The following MCM4 variants were observed in gnomAD, a reference collection of about 807,000 sequenced individuals.
MCM4 encodes DNA replication licensing factor MCM4.
MCM4 carries 60 observed loss-of-function variants against 88.7 expected under a neutral mutation model. That is an observed-to-expected ratio of 0.68 (90% CI 0.55 to 0.84). The LOEUF (loss-of-function observed/expected upper bound fraction) is 0.84, where lower values mean the gene tolerates loss of function less well. MCM4 is among the 40% of genes least tolerant of loss of function. The probability of loss-of-function intolerance (pLI) is 0.00; values close to 1 mark genes in which losing one functional copy is unlikely to be tolerated. For missense variants in MCM4, 1,149 were observed against 1,105.5 expected (o/e 1.04, Z -0.56); for synonymous variants, 465 against 410.5 (o/e 1.13, Z -1.61).
intron 13 of MCM4, among the ~76,000 whole-genome samples, chr8:47,972,282 A>C (rs2090960362): frequency 6.6e-6 from 1 of 151,686 alleles, no homozygotes; most frequent in Non-Finnish European, 1.5e-5. Context: ...AATTATAGTA[A>C]CGTTTCCCTA....
At position 47,970,770 on chromosome 8, in the gene MCM4, T is replaced by C; in HGVS notation, c.1694T>C (p.Leu565Pro). ...GTCCTGCAGACAGGTGCTCTTGTCC[T>C]GAGTGACAACGGCATCTGCTGTATC... The part of the protein sequence containing the change: ...QLVLQTGALV[L>P]SDNGICCIDE... Residue 565 changes from leucine to proline, a missense_variant, in exon 12 of 17, where the codon CTG becomes CCG. Physicochemically the swap from Leu to Pro is moderately conservative, Grantham distance 98. Transcript: ENST00000649973. 6.2e-7 allele frequency: 1 copy of C among 1,614,230 alleles called. No individual in the cohort carries two copies. Among genetic ancestry groups the C allele is most frequent in the Non-Finnish European group, 8.5e-7 (1 of 1,180,040 alleles).
intron 9 of MCM4, 74 bp downstream of exon 9, chr8:47,966,481 C>A: frequency 7.1e-7 from 1 of 1,400,206 alleles, no homozygotes; most frequent in Non-Finnish European, 9.7e-7. Context: ...ATAACTTGTC[C>A]CTCGGACCCT....
rs567917422 is a variant in MCM4, at chr8:47,972,851, T to C, written c.1929-6T>C. On this transcript the variant is annotated splice_polypyrimidine_tract_variant and splice_region_variant and intron_variant, in intron 13 of 16. Coordinates refer to ENST00000649973, the MANE Select transcript of MCM4 (RefSeq NM_182746.3). ...GAAAAACAGTATTTTTACTTTGTTT[T>C]CTTAGGTTTGATTTGATCTTCCTCT... 613 of 1,613,432 alleles carry C rather than the reference T, an allele frequency of 3.8e-4. 4 individuals are homozygous for C. The South Asian group carries it at 6.4e-3, about 17-fold the overall frequency.
rs146006782 is a variant in MCM4, at chr8:47,963,279, C to A, written c.693+239C>A. Among the ~76,000 whole-genome samples the A allele has an allele frequency of 3.6e-3, 542 of 152,048 alleles. 2 individuals are homozygous for A. Among genetic ancestry groups the A allele is most frequent in the African/African-American group, 0.012 (511 of 41,494 alleles). Reference sequence around the variant, plus strand: ...ACCAGCCTGGGCAACAAAGTGAAACCCCATCTGTACTAAAAAATACAAAAA... The same window carrying A: ...ACCAGCCTGGGCAACAAAGTGAAACACCATCTGTACTAAAAAATACAAAAA... On this transcript the variant is annotated intron_variant, in intron 7 of 16. Transcript: ENST00000649973.
In MCM4 at chr8:47,961,130, G is replaced by A. The variant is rs760934199; in HGVS notation, c.-14-1G>A. The A allele has an allele frequency of 1.6e-5, 25 of 1,551,660 alleles. No individual in the cohort carries two copies. In the African/African-American group the frequency reaches 2.1e-4, roughly 13 times the overall value. On this transcript the variant is annotated splice_acceptor_variant, in intron 1 of 16. Coordinates refer to ENST00000649973, the MANE Select transcript of MCM4 (RefSeq NM_182746.3). LOFTEE classifies it low-confidence loss of function (5UTR_SPLICE). ...GGCCCGAGCTTGTCCTTGTCGCGCA[G>A]GTACTCCGAGCACTATGTCGTCCCC... is the stretch of plus-strand genomic sequence containing the variant.
chr8:47,968,010 C>T (rs183982421), intron 10 of MCM4, among the ~76,000 whole-genome samples: 1 of 152,280 alleles, frequency 6.6e-6, no homozygotes, highest in East Asian at 1.9e-4. Flanking sequence ...GCATAGACAG[C>T]AGTAGCTCAG....
At position 47,977,175 on chromosome 8, in the gene MCM4, A is replaced by G. The variant is rs971535823; in HGVS notation, c.*397A>G. 6.5e-6 allele frequency: 1 copy of G among 153,986 alleles called. No homozygotes were observed. The highest frequency in any genetic ancestry group is 2.5e-5 in the African/African-American group (1 of 40,740). 9.5% of individuals were successfully genotyped at this position (153,986 alleles called of 1,614,324 possible). ...CAGCTACTCGGGAGGTTGAGGCAGG[A>G]GAATCGCTTAAACCCAGGCGGCAGA... On this transcript the variant is annotated 3_prime_UTR_variant, in exon 17 of 17. Transcript: ENST00000649973.
intron 14 of MCM4, chr8:47,974,318 A>G (rs950974018): frequency 1.4e-4 from 23 of 167,978 alleles, no homozygotes; most frequent in Non-Finnish European, 2.5e-4. Flanking sequence ...TCTCCCAGCA[A>G]TCCTTATGAG....
chr8:47,962,388 A>T lies in MCM4; in HGVS notation c.483A>T (p.Ala161=). The change falls in exon 5 of 17, where the codon GCA becomes GCT. Residue 161 remains alanine, a synonymous_variant. Transcript: ENST00000649973. ...VIWGTDVNVA[A]CKENFQRFLQ... ...GGGGAACAGATGTAAATGTGGCAGCATGCAAAGAAAACTTTCAGGTGAGCT... is the reference window on the plus strand; with the variant it reads ...GGGGAACAGATGTAAATGTGGCAGCTTGCAAAGAAAACTTTCAGGTGAGCT... 6.2e-7 allele frequency: 1 copy of T among 1,614,266 alleles called. No homozygotes were observed. Among genetic ancestry groups the T allele is most frequent in the South Asian group, 1.1e-5 (1 of 91,090 alleles).
intron 10 of MCM4, 192 bp from the exon 11 acceptor site, chr8:47,969,606 C>CG: frequency 1.7e-6 from 1 of 596,304 alleles, no homozygotes; most frequent in Non-Finnish European, 3.0e-6. Flanking sequence ...TCATAGCAAG[C>CG]GGGAGCTTTG....
intron 10 of MCM4, among the ~76,000 whole-genome samples, chr8:47,968,384 T>C (rs1401716937): frequency 6.6e-6 from 1 of 152,170 alleles, no homozygotes; most frequent in Non-Finnish European, 1.5e-5. Flanking sequence ...TTTGAAAGAA[T>C]GCGTAGTTTT....
chr8:47,962,057 C>G lies in MCM4; in HGVS notation c.240C>G (p.Ile80Met). 1.2e-6 allele frequency: 2 copies of G among 1,613,794 alleles called. No individual in the cohort carries two copies. The highest frequency in any genetic ancestry group is 1.7e-6 in the Non-Finnish European group (2 of 1,179,884). ...TTCCTAATTTTGTTTTTATAGCTAT[C>G]CCTCTTGACTTTGATGTTAGTTCAC... ...SSPPQMHSSA[I>M]PLDFDVSSPL... The change falls in exon 4 of 17, where the codon ATC (isoleucine) becomes ATG (methionine). Residue 80 changes from isoleucine (I) to methionine (M), a missense_variant. Physicochemically the swap from Ile to Met is conservative, Grantham distance 10 (BLOSUM62 1). Coordinates refer to ENST00000649973, the MANE Select transcript of MCM4 (RefSeq NM_182746.3).
intron 3 of MCM4, 93 bp downstream of exon 3, chr8:47,961,773 C>G (rs2090840533): frequency 1.4e-6 from 2 of 1,436,986 alleles, no homozygotes; most frequent in African/African-American, 1.4e-5. Context: ...GTTGGCATAA[C>G]GCCTAAAGCA....
In MCM4 at chr8:47,964,479, ATGT is replaced by A; in HGVS notation, c.694-91_694-89del. 4.4e-6 allele frequency: 4 copies of A among 906,908 alleles called. No individual in the cohort carries two copies. The South Asian group carries it at 7.6e-5, about 17-fold the overall frequency. The allele number at this position is 906,908 out of a possible 1,614,324, so 56.2% of individuals were successfully genotyped here. Reference sequence around the variant, plus strand: ...TAGGGTAATACTTTGGGGACATGACATGTTGTCTTTTTATACTTTGCTAATCTG... The same window carrying A: ...TAGGGTAATACTTTGGGGACATGACATGTCTTTTTATACTTTGCTAATCTG... On this transcript the variant is annotated intron_variant, in intron 7 of 16. Coordinates refer to ENST00000649973, the MANE Select transcript of MCM4 (RefSeq NM_182746.3).
rs746905424 is a variant in MCM4 at position 47,962,750 on chromosome 8, C to A, written c.502-14C>A. ...AATGCTATATGCCTAATACAGTTTTCTCTCCACTTAAAGAGATTTCTTCAG... is the reference window on the plus strand; with the variant it reads ...AATGCTATATGCCTAATACAGTTTTATCTCCACTTAAAGAGATTTCTTCAG... On this transcript the variant is annotated splice_polypyrimidine_tract_variant and intron_variant, in intron 5 of 16. Transcript: ENST00000649973. 1 of 1,542,028 alleles carries A rather than the reference C, an allele frequency of 6.5e-7. No individual in the cohort carries two copies. Among genetic ancestry groups the A allele is most frequent in the African/African-American group, 1.4e-5 (1 of 72,560 alleles).
In MCM4 at chr8:47,974,849, A is replaced by C; in HGVS notation, c.2252A>C (p.Asn751Thr). The C allele has an allele frequency of 6.2e-7, 1 of 1,614,236 alleles. No homozygotes were observed. Among genetic ancestry groups the C allele is most frequent in the Non-Finnish European group, 8.5e-7 (1 of 1,180,032 alleles). The change falls in exon 15 of 17, where the codon AAC becomes ACC. Residue 751 changes from asparagine (N) to threonine (T), a missense_variant. This residue lies in a region of MCM4 where 238 missense variants were observed against 241.6 expected (regional missense o/e 0.99). Coordinates refer to ENST00000649973, the MANE Select transcript of MCM4 (RefSeq NM_182746.3). ...GCCCATGCTAAAGTAAGATTGTCTA[A>C]CAAAGTTGAAGCCATTGATGTGGAA... ...AEAHAKVRLSNKVEAIDVEEA... is the reference protein window; with the variant it reads ...AEAHAKVRLSTKVEAIDVEEA...
Position 47,970,159 on chromosome 8 carries a change from G to C in MCM4, c.1434+102G>C. 2.2e-6 allele frequency: 3 copies of C among 1,372,116 alleles called. No homozygotes were observed. The South Asian group carries it at 4.0e-5, about 18-fold the overall frequency. The allele number at this position is 1,372,116 out of a possible 1,614,324, so 85.0% of individuals were successfully genotyped here. Reference sequence around the variant, plus strand: ...CTCGAGCCATCCGCCATAAAGGACAGAGTTGTGGCCTGTTAGAGCAAGTGC... The same window carrying C: ...CTCGAGCCATCCGCCATAAAGGACACAGTTGTGGCCTGTTAGAGCAAGTGC... On this transcript the variant is annotated intron_variant, in intron 11 of 16. Transcript: ENST00000649973.
At position 47,961,660 on chromosome 8, in the gene MCM4, C is replaced by T; in HGVS notation, c.215C>T (p.Pro72Leu). 2.5e-6 allele frequency: 4 copies of T among 1,611,146 alleles called. No individual in the cohort carries two copies. Among genetic ancestry groups the T allele is most frequent in the Non-Finnish European group, 3.4e-6 (4 of 1,178,010 alleles). Residue 72 changes from proline (P) to leucine (L), a missense_variant, in exon 3 of 17, where the codon CCT (proline) becomes CTT (leucine). By Grantham distance (98) the Pro-to-Leu change is moderately conservative. This residue lies in a region of MCM4 where 906 missense variants were observed against 843.0 expected (regional missense o/e 1.07). Transcript: ENST00000649973. ...GCGCAGGACGTGCTGTTTTCCAGCC[C>T]TCCCCAAATGCATTCTTCAGGTGCG... is the stretch of plus-strand genomic sequence containing the variant. ...PAAQDVLFSS[P>L]PQMHSSAIPL...
intron 10 of MCM4, chr8:47,969,245 G>GTTTTGTTTCA (rs2090928709): frequency 6.5e-6 from 1 of 154,960 alleles, no homozygotes; most frequent in African/African-American, 2.4e-5. Context: ...GTTTTGTTTT[G>GTTTTGTTTCA]TTTTGTTTCA....
Sources: allele counts gnomAD v4.1 joint callset (sites outside exome capture counted in the v4.1 genomes callset), GRCh38; gene constraint gnomAD v4.1.1; regional missense constraint gnomAD v4.1.1; transcripts MANE v1.5; gene names NCBI Gene and HGNC (gene_info 2026-07-23, HGNC 2026-07-21).